Variants in FRMD8 observed in about 807,000 individuals in gnomAD.
The protein encoded by FRMD8 is FERM domain-containing protein 8.
FRMD8 carries 37 observed loss-of-function variants against 54.2 expected under a neutral mutation model. The observed-to-expected ratio is 0.68, with a 90% CI of 0.53 to 0.90. The LOEUF is 0.90. Ranked by LOEUF, FRMD8 falls within the 40% of genes least tolerant of loss-of-function variation. The pLI, the probability that FRMD8 is intolerant of heterozygous loss-of-function variation, is 0.00. For missense variants in FRMD8, 585 were observed against 653.7 expected (o/e 0.89, Z 1.15); for synonymous variants, 246 against 286.9 (o/e 0.86, Z 1.44).
At chr11:65,378,673 G>A in the FRMD8 span, 1 of 152,272 alleles carries the variant, frequency 6.6e-6, no homozygotes, top group Non-Finnish European at 1.5e-5. Context: ...AGTGTGACAA[G>A]GAACTGGGGG....
chr11:65,387,447 A>C (rs1474706093), intron 2 of FRMD8, among the ~76,000 whole-genome samples: 2 of 151,922 alleles, frequency 1.3e-5, no homozygotes, highest in Non-Finnish European at 2.9e-5. Context: ...GGCAGACCAC[A>C]TGTGCCCAGG....
rs564507925 is a variant in FRMD8, at chr11:65,404,244, G to A, written c.1072-620G>A. Among the ~76,000 whole-genome samples the A allele has an allele frequency of 8.1e-4, 124 of 152,280 alleles. No individual in the cohort carries two copies. Among genetic ancestry groups the A allele is most frequent in the Non-Finnish European group, 1.4e-3 (97 of 68,010 alleles). ...TGCTTGGCACGTGGGAGGCACTCAG[G>A]AAATACCTGTGTCCTAAGGGGTGCC... On this transcript the variant is annotated intron_variant, in intron 9 of 10. Coordinates refer to ENST00000317568, the MANE Select transcript of FRMD8 (RefSeq NM_031904.5). The surrounding 1 kb of genome is among the most constrained non-coding windows in gnomAD (Gnocchi z 4.7).
chr11:65,380,478 G>C, the FRMD8 span: 4 of 1,319,506 alleles, frequency 3.0e-6, no homozygotes, highest in Non-Finnish European at 4.1e-6. Flanking sequence ...GCCCATACCC[G>C]GGTATCCCAC....
At chr11:65,381,024 C>T in the FRMD8 span, 1 of 155,680 alleles carries the variant, frequency 6.4e-6, no homozygotes, top group African/African-American at 2.4e-5. Context: ...GCAGAGTGGC[C>T]TTGGAAGGCA....
chr11:65,402,681 G>A (rs912698976), intron 9 of FRMD8, among the ~76,000 whole-genome samples: 26 of 152,134 alleles, frequency 1.7e-4, no homozygotes, highest in Admixed American at 1.7e-3. Context: ...GATTACTTCG[G>A]AGGTCATTGA....
the FRMD8 span, among the ~76,000 whole-genome samples, chr11:65,372,946 G>A: frequency 1.2e-4 from 19 of 152,270 alleles, no homozygotes; most frequent in African/African-American, 3.1e-4. Context: ...GAGATGGTCC[G>A]ATCAGAAGGG....
chr11:65,405,724 G>C (rs1358309615), intron 10 of FRMD8, among the ~76,000 whole-genome samples: 5 of 152,098 alleles, frequency 3.3e-5, no homozygotes, highest in African/African-American at 1.2e-4. Context: ...CCCAGGCCGG[G>C]TGCAGTGTCT....
chr11:65,396,252 G>A (rs915175042), intron 6 of FRMD8, among the ~76,000 whole-genome samples: 2 of 152,242 alleles, frequency 1.3e-5, no homozygotes, highest in Non-Finnish European at 2.9e-5. Context: ...TGCAGAGGCT[G>A]CCGGCTCAGG....
At chr11:65,401,948 C>G (rs898076242) in intron 9 of FRMD8, among the ~76,000 whole-genome samples, 1 of 151,240 alleles carries the variant, frequency 6.6e-6, no homozygotes, top group Non-Finnish European at 1.5e-5. Context: ...TAAATTTAAG[C>G]CTCCCAGCCA....
At chr11:65,373,241 G>GA in the FRMD8 span, among the ~76,000 whole-genome samples, 798 of 150,328 alleles carry the variant, frequency 5.3e-3, 3 homozygotes, top group African/African-American at 0.018. Flanking sequence ...CATCTCAAAA[G>GA]AAAAAAAAAG....
intron 10 of FRMD8, among the ~76,000 whole-genome samples, chr11:65,408,881 G>T (rs1204886557): frequency 6.6e-6 from 1 of 151,588 alleles, no homozygotes; most frequent in African/African-American, 2.4e-5. Flanking sequence ...AAAGTGCTGG[G>T]ATTACAGATG....
At chr11:65,394,217 C>A in intron 5 of FRMD8, 42 bp from the exon 6 acceptor site, 1 of 1,594,190 alleles carries the variant, frequency 6.3e-7, no homozygotes, top group African/African-American at 1.3e-5. Context: ...TCTCCCTGCC[C>A]CAGCCCAGCT....
chr11:65,378,224 T>G, the FRMD8 span: 2 of 151,408 alleles, frequency 1.3e-5, no homozygotes, highest in Non-Finnish European at 2.9e-5. Context: ...GGTGGTGGAG[T>G]GTCAGATGCC....
At chr11:65,384,458 C>T (rs961946798), upstream of FRMD8, among the ~76,000 whole-genome samples, 2 of 152,044 alleles carry the variant, frequency 1.3e-5, no homozygotes, top group East Asian at 3.9e-4. Context: ...TCCCAGGTGT[C>T]AGTCTTTGAC....
chr11:65,413,034 G>C lies in FRMD8; in HGVS notation c.*1674G>C, dbSNP rs1223117482. ...TTTTTTTGAGACGGAGTCTTGCTCT[G>C]TTGCCCAGGCAGGAGTGCAGTGGCG... On this transcript the variant is annotated 3_prime_UTR_variant, in exon 11 of 11. Coordinates refer to ENST00000317568, the MANE Select transcript of FRMD8 (RefSeq NM_031904.5). 1 of 152,116 alleles carries C rather than the reference G, an allele frequency of 6.6e-6. No homozygotes were observed. The highest frequency in any genetic ancestry group is 1.5e-5 in the Non-Finnish European group (1 of 68,078). 9.4% of individuals were successfully genotyped at this position (152,116 alleles called of 1,614,324 possible). A position where few individuals can be genotyped will look rare whatever the true frequency, so the allele number is the denominator to read the frequency against.
the FRMD8 span, chr11:65,376,859 T>C: frequency 5.0e-6 from 8 of 1,614,184 alleles, no homozygotes; most frequent in Admixed American, 1.3e-4. Flanking sequence ...ACAGAGCCCT[T>C]CATAGGTGAT....
In FRMD8 at chr11:65,397,036, C is replaced by A; in HGVS notation, c.803+16C>A. 1.5e-6 allele frequency: 2 copies of A among 1,364,454 alleles called. No individual in the cohort carries two copies. The highest frequency in any genetic ancestry group is 2.9e-5 in the East Asian group (1 of 34,684). 84.5% of individuals were successfully genotyped at this position (1,364,454 alleles called of 1,614,324 possible). On this transcript the variant is annotated intron_variant, in intron 7 of 10. Transcript: ENST00000317568. ...CGTTTTATGGGTAAGAGCCACAGCC[C>A]CGCGGTCCCCCACCCCCTCCGCAGG...
chr11:65,407,883 CAA>C (rs541022646), intron 10 of FRMD8, among the ~76,000 whole-genome samples: 2 of 124,632 alleles, frequency 1.6e-5, no homozygotes, highest in Admixed American at 8.2e-5. Flanking sequence ...GACTCTGTCT[CAA>C]AAAAAAAAAA....
At chr11:65,376,974 C>G in the FRMD8 span, 3 of 1,613,018 alleles carry the variant, frequency 1.9e-6, no homozygotes, top group Admixed American at 3.3e-5. Context: ...GCACAGTGCA[C>G]GGGCCCCTGG....
Sources: allele counts gnomAD v4.1 joint callset (sites outside exome capture counted in the v4.1 genomes callset), GRCh38; gene constraint gnomAD v4.1.1; non-coding constraint Gnocchi (gnomAD v3.1); transcripts MANE v1.5; gene names NCBI Gene and HGNC (gene_info 2026-07-23, HGNC 2026-07-21).